GSK3B: variants seen among roughly 807,000 people sequenced by gnomAD.
The protein encoded by GSK3B is glycogen synthase kinase 3 beta, also known as glycogen synthase kinase-3 beta.
Under a neutral mutation model 56.4 loss-of-function variants are expected in GSK3B, and 15 were observed. The ratio of observed to expected loss-of-function variants is 0.27; its 90% CI spans 0.18 to 0.41. The LOEUF is 0.41. GSK3B is among the 10% of genes least tolerant of loss of function. The pLI is 1.00. For missense variants in GSK3B, 300 were observed against 513.4 expected, an observed-to-expected ratio of 0.58 and a Z score of 4.02; for synonymous variants, 181 against 188.9, an observed-to-expected ratio of 0.96 and a Z score of 0.34.
rs2058546862 is a variant in GSK3B, at chr3:120,094,408, C to T, written c.-974G>A. 1 of 323,278 alleles carries T rather than the reference C, an allele frequency of 3.1e-6. No homozygotes were observed. The highest frequency in any genetic ancestry group is 3.9e-5 in the South Asian group (1 of 25,518). 20.0% of individuals were successfully genotyped at this position (323,278 alleles called of 1,614,324 possible). A position where few individuals can be genotyped will look rare whatever the true frequency, so the allele number is the denominator to read the frequency against. On this transcript the variant is annotated 5_prime_UTR_variant, in exon 1 of 11. Coordinates refer to ENST00000264235, the MANE Select transcript of GSK3B (RefSeq NM_001146156.2). ...CGGGCGGCGGCGGCGGCGGCGGCGG[C>T]ACAAGCCCGCATTCGCCCGGGTCAG...
At chr3:119,998,796 T>C (rs1382228320) in intron 2 of GSK3B, among the ~76,000 whole-genome samples, 2 of 152,070 alleles carry the variant, frequency 1.3e-5, no homozygotes. Flanking sequence ...ACAAAAAATT[T>C]AAAACAGAAA....
At chr3:119,910,999 C>T (rs1187623502) in intron 6 of GSK3B, among the ~76,000 whole-genome samples, 1 of 152,146 alleles carries the variant, frequency 6.6e-6, no homozygotes, top group Non-Finnish European at 1.5e-5. Context: ...CAGAGACTTC[C>T]TTCACTGAAG....
intron 3 of GSK3B, among the ~76,000 whole-genome samples, chr3:119,945,351 T>A (rs1443004454): frequency 6.6e-6 from 1 of 152,314 alleles, no homozygotes; most frequent in East Asian, 1.9e-4. Flanking sequence ...AGTTCTGACA[T>A]AAAGAAAATA....
chr3:119,950,152 G>A lies in GSK3B; in HGVS notation c.283-2801C>T, dbSNP rs530481831. Among the ~76,000 whole-genome samples, 11 of 152,250 alleles carry A rather than the reference G, an allele frequency of 7.2e-5. No individual in the cohort carries two copies. In the East Asian group the frequency reaches 1.7e-3, roughly 24 times the overall value. ...GAAAGAATGTTATCTTAGAAGCCAC[G>A]TTAAAAAATTTTTAGAAAAACTGAG... On this transcript the variant is annotated intron_variant, in intron 2 of 10. Transcript: ENST00000264235.
intron 9 of GSK3B, among the ~76,000 whole-genome samples, chr3:119,859,481 C>T (rs1001143912): frequency 6.6e-6 from 1 of 152,066 alleles, no homozygotes; most frequent in African/African-American, 2.4e-5. Flanking sequence ...AAATAAGTAG[C>T]CTACTGCTTT....
intron 2 of GSK3B, among the ~76,000 whole-genome samples, chr3:119,980,229 A>C (rs1268348961): frequency 6.6e-6 from 1 of 152,156 alleles, no homozygotes; most frequent in Non-Finnish European, 1.5e-5. Flanking sequence ...TTGCCAGCAT[A>C]CCTTTTTGTT....
chr3:120,028,795 C>A (rs1220250303), intron 1 of GSK3B: 4 of 447,682 alleles, frequency 8.9e-6, no homozygotes, highest in Admixed American at 8.1e-5. Flanking sequence ...GCGTGGTCTC[C>A]GCCAGTGGGC....
At chr3:119,864,023 C>T (rs1577323813) in intron 8 of GSK3B, among the ~76,000 whole-genome samples, 1 of 151,978 alleles carries the variant, frequency 6.6e-6, no homozygotes. Flanking sequence ...CAGCACTGTT[C>T]GAAAACTTGG....
chr3:120,033,159 A>G (rs1370784888), intron 1 of GSK3B, among the ~76,000 whole-genome samples: 3 of 152,210 alleles, frequency 2.0e-5, no homozygotes, highest in Admixed American at 6.5e-5. Context: ...AGGTTCATCC[A>G]TGTTGTAGTA....
In GSK3B at chr3:119,826,874, CAA is replaced by C. The variant is rs533903298; in HGVS notation, c.1196-21_1196-20del. On this transcript the variant is annotated intron_variant, in intron 10 of 10. Transcript: ENST00000264235. ...TTAGCATCTGCAAGTCAAAAAGTCC[CAA>C]GAGAGAGCATGAGCAATGCTATAAC... The C allele has an allele frequency of 1.1e-3, 1,592 of 1,507,594 alleles. 4 individuals carry two copies. The highest frequency in any genetic ancestry group is 1.4e-3 in the Non-Finnish European group (1,506 of 1,083,626). 93.4% of individuals were successfully genotyped at this position (1,507,594 alleles called of 1,614,324 possible).
chr3:119,962,957 G>T (rs554889237), intron 2 of GSK3B, among the ~76,000 whole-genome samples: 14 of 152,256 alleles, frequency 9.2e-5, no homozygotes, highest in Non-Finnish European at 2.1e-4. Flanking sequence ...ATGCTCACTG[G>T]CCTGGTGCTC....
intron 2 of GSK3B, among the ~76,000 whole-genome samples, chr3:119,980,326 T>A (rs921381220): frequency 6.6e-6 from 1 of 152,026 alleles, no homozygotes; most frequent in Non-Finnish European, 1.5e-5. Context: ...CAAAACTAAC[T>A]CAGCCCAAAC....
intron 2 of GSK3B, among the ~76,000 whole-genome samples, chr3:119,988,740 G>A (rs1040214061): frequency 3.9e-5 from 6 of 152,150 alleles, no homozygotes; most frequent in African/African-American, 1.4e-4. Flanking sequence ...GCTGGGCTTG[G>A]CTAAAACGGT....
At chr3:119,957,572 C>T (rs1271305056) in intron 2 of GSK3B, among the ~76,000 whole-genome samples, 1 of 152,186 alleles carries the variant, frequency 6.6e-6, no homozygotes, top group Non-Finnish European at 1.5e-5. Context: ...AATAACACAA[C>T]AGCATATTAT....
At chr3:120,079,693 C>A (rs1284895812) in intron 1 of GSK3B, among the ~76,000 whole-genome samples, 1 of 152,118 alleles carries the variant, frequency 6.6e-6, no homozygotes, top group East Asian at 1.9e-4. Context: ...CCGCACCCGG[C>A]CTATATAAAC....
chr3:119,837,472 T>C (rs2055708858), intron 10 of GSK3B, among the ~76,000 whole-genome samples: 1 of 152,062 alleles, frequency 6.6e-6, no homozygotes, highest in Non-Finnish European at 1.5e-5. Context: ...GCCAAACTTT[T>C]CTAATAGAGT....
At chr3:119,857,097 G>T (rs1374393659) in intron 9 of GSK3B, among the ~76,000 whole-genome samples, 3 of 152,148 alleles carry the variant, frequency 2.0e-5, no homozygotes, top group African/African-American at 7.2e-5. Context: ...AAATCCTAAA[G>T]ATCACCTGAG....
intron 2 of GSK3B, among the ~76,000 whole-genome samples, chr3:119,984,461 C>A (rs1331159082): frequency 1.3e-5 from 2 of 149,888 alleles, no homozygotes; most frequent in African/African-American, 2.4e-5. Context: ...AATTGATAGA[C>A]CGGTAGCAAG....
chr3:119,967,367 C>T (rs1156257302), intron 2 of GSK3B, among the ~76,000 whole-genome samples: 2 of 152,086 alleles, frequency 1.3e-5, no homozygotes, highest in East Asian at 3.9e-4. Flanking sequence ...TGAGCCACTG[C>T]GCCTGGCCAG....
Sources: gnomAD v4.1 joint callset for allele counts (sites outside exome capture counted in the v4.1 genomes callset) on GRCh38, gnomAD v4.1.1 for gene constraint, MANE v1.5 for transcripts, NCBI Gene and HGNC (gene_info 2026-07-23, HGNC 2026-07-21) for gene names.